C12orf42: variants seen among roughly 807,000 people sequenced by gnomAD.
The protein encoded by C12orf42 is chromosome 12 open reading frame 42.
In C12orf42, 25 loss-of-function variants were observed where a neutral mutation model predicts 21.6. The observed-to-expected ratio is 1.16, with a 90% CI of 0.84 to 1.62. The LOEUF is 1.62. C12orf42 is among the 40% of genes most tolerant of loss of function. The pLI is 0.00. For synonymous variants in C12orf42, 174 were observed against 175.0 expected, an observed-to-expected ratio of 0.99 and a Z score of 0.05; for missense variants, 483 against 459.3, an observed-to-expected ratio of 1.05 and a Z score of -0.47.
At chr12:103,184,612 G>T in the C12orf42 span, among the ~76,000 whole-genome samples, 1 of 151,796 alleles carries the variant, frequency 6.6e-6, no homozygotes, top group Non-Finnish European at 1.5e-5. Flanking sequence ...TTCTGTGGTA[G>T]ATTCTTTCTT....
intron 3 of C12orf42, among the ~76,000 whole-genome samples, chr12:103,398,795 T>G (rs1375577685): frequency 6.6e-6 from 1 of 152,170 alleles, no homozygotes; most frequent in Non-Finnish European, 1.5e-5. Context: ...ATATCAGATT[T>G]ATATATTCTG....
chr12:103,256,205 T>TAA (rs1248310616), intron 10 of C12orf42, among the ~76,000 whole-genome samples: 2 of 145,342 alleles, frequency 1.4e-5, no homozygotes, highest in African/African-American at 2.5e-5. Flanking sequence ...TATATATATA[T>TAA]AACTAAACTT....
chr12:103,353,395 G>A (rs2043262908), intron 4 of C12orf42, among the ~76,000 whole-genome samples: 1 of 152,054 alleles, frequency 6.6e-6, no homozygotes, highest in Admixed American at 6.6e-5. Flanking sequence ...GCATGCTAAG[G>A]AAGATAGTTT....
the C12orf42 span, among the ~76,000 whole-genome samples, chr12:103,539,579 A>AT: frequency 1.5e-3 from 226 of 145,950 alleles, no homozygotes; most frequent in Admixed American, 1.6e-3. Flanking sequence ...TGTAAGTTTA[A>AT]TTTTTTTTTT....
the C12orf42 span, among the ~76,000 whole-genome samples, chr12:103,091,353 C>G: frequency 6.6e-6 from 1 of 151,520 alleles, no homozygotes; most frequent in Admixed American, 6.6e-5. Context: ...AGGTTTACTC[C>G]TCTGTGAAGT....
At position 103,302,625 on chromosome 12, in the gene C12orf42, C is replaced by G. The variant is rs1209574727; in HGVS notation, c.632-66G>C. 6.7e-6 allele frequency: 9 copies of G among 1,348,996 alleles called. No homozygotes were observed. The African/African-American group carries it at 1.3e-4, about 20-fold the overall frequency. The allele number at this position is 1,348,996 out of a possible 1,614,324, so 83.6% of individuals were successfully genotyped here. On this transcript the variant is annotated intron_variant, in intron 5 of 5. Coordinates refer to ENST00000548883, the MANE Select transcript of C12orf42 (RefSeq NM_198521.5). ...AAGCGTGCGGGACCACACCGCACCCCCGCGACAACTGGACGTCTGAGAAAT... is the reference window on the plus strand; with the variant it reads ...AAGCGTGCGGGACCACACCGCACCCGCGCGACAACTGGACGTCTGAGAAAT...
the C12orf42 span, among the ~76,000 whole-genome samples, chr12:103,066,174 C>T: frequency 3.9e-5 from 6 of 152,142 alleles, no homozygotes; most frequent in South Asian, 2.1e-4. Context: ...GGAAACTGAA[C>T]GTTTGCCTAT....
the C12orf42 span, among the ~76,000 whole-genome samples, chr12:103,206,652 G>A: frequency 1.3e-5 from 2 of 152,176 alleles, no homozygotes; most frequent in East Asian, 3.9e-4. Flanking sequence ...AGAGTACAGT[G>A]GCAGAATCAG....
the C12orf42 span, among the ~76,000 whole-genome samples, chr12:103,156,368 G>T: frequency 6.6e-6 from 1 of 152,156 alleles, no homozygotes; most frequent in East Asian, 1.9e-4. Context: ...TGGGGGCAGG[G>T]CTTCAGGAGT....
intron 3 of C12orf42, among the ~76,000 whole-genome samples, chr12:103,398,480 T>G (rs2047716979): frequency 6.6e-6 from 1 of 152,174 alleles, no homozygotes; most frequent in Non-Finnish European, 1.5e-5. Flanking sequence ...CCTTTATTTT[T>G]GTTTTAAAGC....
chr12:103,540,492 C>T, the C12orf42 span, among the ~76,000 whole-genome samples: 2 of 152,168 alleles, frequency 1.3e-5, no homozygotes, highest in Admixed American at 6.5e-5. Flanking sequence ...TAGGCGAATA[C>T]ACCTTTAGAA....
chr12:103,538,745 C>A, the C12orf42 span, among the ~76,000 whole-genome samples: 1 of 152,200 alleles, frequency 6.6e-6, no homozygotes, highest in Non-Finnish European at 1.5e-5. Flanking sequence ...CACACCCAAC[C>A]CTTCCAACAC....
intron 1 of C12orf42, among the ~76,000 whole-genome samples, chr12:103,480,938 T>C (rs919572503): frequency 6.6e-6 from 1 of 151,774 alleles, no homozygotes; most frequent in African/African-American, 2.4e-5. Context: ...ATCCCTTGAT[T>C]TTTTATCTGC....
chr12:103,291,559 A>G (rs149442580), intron 4 of C12orf42, among the ~76,000 whole-genome samples: 3 of 152,280 alleles, frequency 2.0e-5, no homozygotes, highest in African/African-American at 7.2e-5. Flanking sequence ...GCTATACTTA[A>G]TAGCTACTTC....
chr12:103,500,705 T>C (rs1287520065), upstream of C12orf42, among the ~76,000 whole-genome samples: 1 of 152,234 alleles, frequency 6.6e-6, no homozygotes, highest in Non-Finnish European at 1.5e-5. Flanking sequence ...GTTAGCACAA[T>C]TGCCGCCAAT....
intron 1 of C12orf42, among the ~76,000 whole-genome samples, chr12:103,491,438 T>C (rs555299879): frequency 6.6e-6 from 1 of 152,284 alleles, no homozygotes; most frequent in African/African-American, 2.4e-5. Flanking sequence ...GAAAAAAATA[T>C]AGAAACAAAC....
chr12:103,279,030 G>A (rs750255958), intron 4 of C12orf42, among the ~76,000 whole-genome samples: 1 of 152,196 alleles, frequency 6.6e-6, no homozygotes, highest in African/African-American at 2.4e-5. Flanking sequence ...GGGCTCATCT[G>A]CATTGTTGCC....
intron 4 of C12orf42, among the ~76,000 whole-genome samples, chr12:103,281,680 G>A (rs918308556): frequency 6.6e-6 from 1 of 151,888 alleles, no homozygotes; most frequent in African/African-American, 2.4e-5. Flanking sequence ...TTTTAAGTGA[G>A]GGTCTCACTC....
chr12:103,279,953 T>A (rs998724355), intron 4 of C12orf42, among the ~76,000 whole-genome samples: 1 of 152,198 alleles, frequency 6.6e-6, no homozygotes, highest in Non-Finnish European at 1.5e-5. Context: ...AGGGTAAGTA[T>A]AAAATATCCA....
Sources: allele counts gnomAD v4.1 joint callset (sites outside exome capture counted in the v4.1 genomes callset), GRCh38; gene constraint gnomAD v4.1.1; transcripts MANE v1.5; gene names NCBI Gene and HGNC (gene_info 2026-07-23, HGNC 2026-07-21).